The following TOX variants were observed in gnomAD, a reference collection of about 807,000 sequenced individuals.
TOX encodes thymocyte selection associated high mobility group box.
Under a neutral mutation model 53.7 loss-of-function variants are expected in TOX, and 11 were observed. The ratio of observed to expected loss-of-function variants is 0.20; its 90% confidence interval spans 0.13 to 0.34. The LOEUF is 0.34. TOX is among the 10% of genes least tolerant of loss of function. The pLI is 1.00. For missense variants in TOX, 570 were observed against 664.6 expected (o/e 0.86, Z 1.56); for synonymous variants, 225 against 245.3 (o/e 0.92, Z 0.77).
chr8:58,906,867 C>A (rs1384715714), intron 3 of TOX, among the ~76,000 whole-genome samples: 3 of 152,184 alleles, frequency 2.0e-5, no homozygotes, highest in African/African-American at 7.2e-5. Flanking sequence ...TTGCTTATGT[C>A]CCTCTCTCTC....
chr8:59,010,035 G>A (rs1813871699), intron 1 of TOX, among the ~76,000 whole-genome samples: 1 of 152,182 alleles, frequency 6.6e-6, no homozygotes, highest in South Asian at 2.1e-4. Context: ...GGGCACTATA[G>A]AGTTTCTATC....
intron 3 of TOX, among the ~76,000 whole-genome samples, chr8:58,895,339 G>A (rs1453409290): frequency 6.6e-6 from 1 of 152,110 alleles, no homozygotes; most frequent in South Asian, 2.1e-4. Context: ...TAAATAAAAA[G>A]ATTATATAGT....
intron 4 of TOX, among the ~76,000 whole-genome samples, chr8:58,841,546 A>G (rs1810642081): frequency 6.6e-6 from 1 of 152,242 alleles, no homozygotes; most frequent in Admixed American, 6.5e-5. Flanking sequence ...TCAAGGGTAC[A>G]GACTTTCAGT....
At chr8:58,953,138 T>A (rs1231473606) in intron 2 of TOX, among the ~76,000 whole-genome samples, 2 of 151,976 alleles carry the variant, frequency 1.3e-5, no homozygotes, top group Non-Finnish European at 2.9e-5. Flanking sequence ...TAAATAATAA[T>A]AATAAAGGCT....
intron 1 of TOX, among the ~76,000 whole-genome samples, chr8:59,030,787 C>T (rs949134761): frequency 6.6e-6 from 1 of 152,168 alleles, no homozygotes; most frequent in African/African-American, 2.4e-5. Context: ...AGGATTTCCT[C>T]TGTTAACTTT....
chr8:59,044,681 G>A (rs1803653782), intron 1 of TOX, among the ~76,000 whole-genome samples: 1 of 152,132 alleles, frequency 6.6e-6, no homozygotes, highest in South Asian at 2.1e-4. Flanking sequence ...AAAATAGAGG[G>A]TTTTAAGATT....
chr8:59,033,845 C>G (rs950363933), intron 1 of TOX, among the ~76,000 whole-genome samples: 8 of 152,176 alleles, frequency 5.3e-5, no homozygotes, highest in Non-Finnish European at 8.8e-5. Flanking sequence ...TTTCTGGTAG[C>G]AAGAACATGT....
rs187200969 is a variant in TOX at position 58,969,646 on chromosome 8, G to A, written c.103-9638C>T. Among the ~76,000 whole-genome samples the A allele has an allele frequency of 5.3e-5, 8 of 152,168 alleles. 1 individual carries two copies. Among genetic ancestry groups the A allele is most frequent in the African/African-American group, 1.4e-4 (6 of 41,514 alleles). ...CCTTCACAAGGCATATGCATTCAAT[G>A]TATTTCAGATTTTCAGTTCCAAAGT... is the stretch of plus-strand genomic sequence containing the variant. On this transcript the variant is annotated intron_variant, in intron 1 of 8. Transcript: ENST00000361421.
In TOX at chr8:58,807,552, C is replaced by T. The variant is rs1810000620; in HGVS notation, c.*195G>A. On this transcript the variant is annotated 3_prime_UTR_variant, in exon 9 of 9. Transcript: ENST00000361421. The stretch of plus-strand genomic sequence containing the variant: ...TTCAGGGAAGAAGAAAAACAATGTC[C>T]ATAAAGGATTAAAAAAATAATAAAG... 1 of 580,684 alleles carries T rather than the reference C, an allele frequency of 1.7e-6. No homozygotes were observed. The highest frequency in any genetic ancestry group is 3.0e-6 in the Non-Finnish European group (1 of 333,954). 36.0% of individuals were successfully genotyped at this position (580,684 alleles called of 1,614,324 possible). A position where few individuals can be genotyped will look rare whatever the true frequency, so the allele number is the denominator to read the frequency against.
intron 1 of TOX, among the ~76,000 whole-genome samples, chr8:59,041,463 C>T (rs1193384512): frequency 3.9e-5 from 6 of 152,262 alleles, no homozygotes; most frequent in African/African-American, 7.2e-5. Flanking sequence ...TTGCAAACTC[C>T]GGTGAGCTAC....
intron 3 of TOX, among the ~76,000 whole-genome samples, chr8:58,864,149 C>A (rs1296379845): frequency 1.3e-5 from 2 of 152,032 alleles, no homozygotes; most frequent in African/African-American, 4.8e-5. Context: ...AAAAATAAAA[C>A]AATCATGTGG....
chr8:59,032,243 G>A (rs1314640682), intron 1 of TOX, among the ~76,000 whole-genome samples: 2 of 149,352 alleles, frequency 1.3e-5, no homozygotes, highest in Non-Finnish European at 2.9e-5. Flanking sequence ...GGAAAGAACA[G>A]TTTAAGGAAA....
chr8:58,995,431 C>T (rs553134689), intron 1 of TOX, among the ~76,000 whole-genome samples: 3 of 152,322 alleles, frequency 2.0e-5, no homozygotes, highest in African/African-American at 7.2e-5. Context: ...CAATGAACTA[C>T]AATGCCCTAA....
At chr8:58,878,996 G>T (rs1359983286) in intron 3 of TOX, among the ~76,000 whole-genome samples, 1 of 151,350 alleles carries the variant, frequency 6.6e-6, no homozygotes, top group Non-Finnish European at 1.5e-5. Flanking sequence ...GGGAGGCAGA[G>T]GTTGCAGTGA....
intron 3 of TOX, among the ~76,000 whole-genome samples, chr8:58,867,457 G>C (rs10504267): frequency 0.48 from 72,513 of 152,000 alleles, 18,787 homozygotes; most frequent in African/African-American, 0.7. Context: ...AAGGCTCTAC[G>C]TTTCAGTCTC....
At chr8:58,893,565 C>A (rs937462592) in intron 3 of TOX, among the ~76,000 whole-genome samples, 1 of 152,154 alleles carries the variant, frequency 6.6e-6, no homozygotes, top group Non-Finnish European at 1.5e-5. Flanking sequence ...AAGTTCAGTG[C>A]AATTATTATA....
intron 7 of TOX, among the ~76,000 whole-genome samples, chr8:58,811,860 A>G (rs1344242284): frequency 1.3e-5 from 2 of 152,250 alleles, no homozygotes; most frequent in Non-Finnish European, 2.9e-5. Flanking sequence ...TATTCTAGAA[A>G]AAAATGAAAC....
intron 3 of TOX, among the ~76,000 whole-genome samples, chr8:58,889,662 C>T (rs13256423): frequency 0.058 from 8,792 of 152,104 alleles, 324 homozygotes; most frequent in East Asian, 0.2. Flanking sequence ...ATGGACCTCC[C>T]GTAAGTGTCT....
At chr8:58,915,596 T>C (rs1812003509) in intron 3 of TOX, among the ~76,000 whole-genome samples, 2 of 132,272 alleles carry the variant, frequency 1.5e-5, no homozygotes, top group East Asian at 2.3e-4. Flanking sequence ...ACCACAAAGA[T>C]GGGGAAAAAA....
Sources: allele counts gnomAD v4.1 joint callset (sites outside exome capture counted in the v4.1 genomes callset), GRCh38; gene constraint gnomAD v4.1.1; transcripts MANE v1.5; gene names NCBI Gene and HGNC (gene_info 2026-07-23, HGNC 2026-07-21).